The following AGMO variants were observed in gnomAD, a reference collection of about 807,000 sequenced individuals.
The protein encoded by AGMO is alkylglycerol monooxygenase.
AGMO carries 75 observed loss-of-function variants against 60.2 expected under a neutral mutation model. The observed-to-expected ratio is 1.25, with a 90% CI of 1.03 to 1.51. The LOEUF (loss-of-function observed/expected upper bound fraction) is 1.51, where lower values mean the gene tolerates loss of function less well. AGMO is among the 40% of genes most tolerant of loss of function. AGMO has a pLI of 0.00. For missense variants in AGMO, 763 were observed against 525.5 expected (o/e 1.45, Z -4.42); for synonymous variants, 261 against 177.1 (o/e 1.47, Z -3.76).
chr7:15,356,334 A>G (rs1782528328), intron 12 of AGMO, among the ~76,000 whole-genome samples: 1 of 152,202 alleles, frequency 6.6e-6, no homozygotes, highest in Non-Finnish European at 1.5e-5. Context: ...TCAACAGTGA[A>G]CCAATTTACA....
chr7:15,289,275 A>C (rs941700814), intron 12 of AGMO, among the ~76,000 whole-genome samples: 6 of 51,904 alleles, frequency 1.2e-4, no homozygotes, highest in Non-Finnish European at 1.9e-4. Flanking sequence ...ATTTATTTAG[A>C]ATGTTAATTG....
At chr7:15,426,537 C>T (rs1021058547) in intron 4 of AGMO, among the ~76,000 whole-genome samples, 11 of 152,106 alleles carry the variant, frequency 7.2e-5, no homozygotes, top group Admixed American at 2.6e-4. Context: ...TCACTTGAGG[C>T]CAGCAGTTGA....
intron 12 of AGMO, among the ~76,000 whole-genome samples, chr7:15,266,122 G>A (rs1216871896): frequency 1.3e-5 from 2 of 152,016 alleles, no homozygotes; most frequent in South Asian, 2.1e-4. Flanking sequence ...GTTGACAGGG[G>A]ATCAGGGGAG....
chr7:15,390,935 T>G (rs980968985), intron 6 of AGMO, 30 bp from the exon 7 acceptor site: 1 of 1,417,770 alleles, frequency 7.1e-7, no homozygotes, highest in Non-Finnish European at 9.7e-7. Context: ...AAATTTTTTT[T>G]CAGAAAAATA....
chr7:15,418,407 A>G (rs1780834295), intron 5 of AGMO, 151 bp downstream of exon 5: 2 of 580,404 alleles, frequency 3.4e-6, no homozygotes, highest in African/African-American at 3.9e-5. Context: ...ATATATATTC[A>G]CTAAAAACGA....
chr7:15,353,691 G>T (rs577885097), intron 12 of AGMO, among the ~76,000 whole-genome samples: 1 of 152,090 alleles, frequency 6.6e-6, no homozygotes, highest in African/African-American at 2.4e-5. Flanking sequence ...GCTCAAAATA[G>T]ACATAATATT....
At chr7:15,291,874 A>C (rs1784273638) in intron 12 of AGMO, among the ~76,000 whole-genome samples, 1 of 152,192 alleles carries the variant, frequency 6.6e-6, no homozygotes, top group African/African-American at 2.4e-5. Context: ...CTGGAGAAGA[A>C]AGGGAATAGC....
intron 3 of AGMO, among the ~76,000 whole-genome samples, chr7:15,443,992 C>G (rs530990511): frequency 2.6e-5 from 4 of 152,254 alleles, no homozygotes; most frequent in African/African-American, 9.6e-5. Flanking sequence ...TTATGCAATG[C>G]TTATTATCCC....
chr7:15,411,336 T>C lies in AGMO; in HGVS notation c.609+7222A>G, dbSNP rs542466380. Among the ~76,000 whole-genome samples, 8 of 152,120 alleles carry C rather than the reference T, an allele frequency of 5.3e-5. No homozygotes were observed. The South Asian group carries it at 1.2e-3, about 24-fold the overall frequency. On this transcript the variant is annotated intron_variant, in intron 5 of 12. Transcript: ENST00000342526. ...CAGACTATGATACTTTGTATTGTTA[T>C]AATCCTCATTACACACAGGAGGAAA...
chr7:15,268,517 T>C (rs1438618369), intron 12 of AGMO, among the ~76,000 whole-genome samples: 4 of 151,980 alleles, frequency 2.6e-5, no homozygotes, highest in African/African-American at 9.7e-5. Flanking sequence ...TATTGTTTAG[T>C]TGTGAAGGAG....
intron 3 of AGMO, among the ~76,000 whole-genome samples, chr7:15,441,406 A>T (rs527545621): frequency 2.0e-5 from 3 of 152,356 alleles, no homozygotes; most frequent in African/African-American, 7.2e-5. Context: ...CCTGGTTGTC[A>T]GCACTAACAT....
At position 15,390,714 on chromosome 7, in the gene AGMO, C is replaced by T. The variant is rs1438899109; in HGVS notation, c.779G>A (p.Gly260Asp). ...AAATGTATTAATGGGATGTGTTAAGCCATATACAACTTTTTCATTTTCTGC... is the reference window on the plus strand; with the variant it reads ...AAATGTATTAATGGGATGTGTTAAGTCATATACAACTTTTTCATTTTCTGC... ...FEAENEKVVY[G>D]LTHPINTFEP... The change falls in exon 8 of 13, where the codon GGC (glycine) becomes GAC (aspartate). Residue 260 changes from glycine (G) to aspartate (D), a missense_variant. By Grantham distance (94) the Gly-to-Asp change is moderately conservative. Coordinates refer to ENST00000342526, the MANE Select transcript of AGMO (RefSeq NM_001004320.2). The T allele has an allele frequency of 5.0e-6, 8 of 1,611,178 alleles. No homozygotes were observed. In the East Asian group the frequency reaches 1.6e-4, roughly 32 times the overall value.
chr7:15,191,511 T>C, the AGMO span, among the ~76,000 whole-genome samples: 1,675 of 152,230 alleles, frequency 0.011, 42 homozygotes, highest in African/African-American at 0.039. Flanking sequence ...TCAGATGACA[T>C]AGTTGAGACT....
At chr7:15,417,965 G>C (rs1474630008) in intron 5 of AGMO, among the ~76,000 whole-genome samples, 1 of 152,090 alleles carries the variant, frequency 6.6e-6, no homozygotes, top group Non-Finnish European at 1.5e-5. Context: ...AAACCAATCA[G>C]CTGCTTAATA....
intron 3 of AGMO, among the ~76,000 whole-genome samples, chr7:15,508,146 A>G (rs543287758): frequency 1.3e-5 from 2 of 152,256 alleles, no homozygotes; most frequent in African/African-American, 4.8e-5. Context: ...TGCAGGGAAA[A>G]AAATTAGTCC....
intron 12 of AGMO, among the ~76,000 whole-genome samples, chr7:15,236,600 T>C (rs1293891740): frequency 2.6e-5 from 4 of 152,082 alleles, no homozygotes; most frequent in Non-Finnish European, 4.4e-5. Context: ...ATGTGTAAAT[T>C]AATAGCTTAA....
rs551305904 is a variant in AGMO, at chr7:15,286,601, G to A, written c.1263+78913C>T. 3.3e-5 allele frequency among the ~76,000 whole-genome samples: 5 copies of A among 152,176 alleles called. No homozygotes were observed. The South Asian group carries it at 1.0e-3, about 32-fold the overall frequency. On this transcript the variant is annotated intron_variant, in intron 12 of 12. Coordinates refer to ENST00000342526, the MANE Select transcript of AGMO (RefSeq NM_001004320.2). ...AGATGTTTGTGCAGGTATGGTGAAA[G>A]GGAATGCTCATACACTGCTGGTGGG...
intron 3 of AGMO, among the ~76,000 whole-genome samples, chr7:15,519,770 A>G (rs1783929178): frequency 6.6e-6 from 1 of 152,200 alleles, no homozygotes; most frequent in Admixed American, 6.5e-5. Context: ...ATAACCAGCT[A>G]GTATCATAAT....
At chr7:15,377,559 G>T (rs560299805) in intron 10 of AGMO, among the ~76,000 whole-genome samples, 1 of 152,038 alleles carries the variant, frequency 6.6e-6, no homozygotes, top group East Asian at 1.9e-4. Flanking sequence ...CTTAAAATGA[G>T]TAAGTCTCCA....
Sources: allele counts gnomAD v4.1 joint callset (sites outside exome capture counted in the v4.1 genomes callset), GRCh38; gene constraint gnomAD v4.1.1; transcripts MANE v1.5; gene names NCBI Gene and HGNC (gene_info 2026-07-23, HGNC 2026-07-21).